The following MOV10 variants were observed in gnomAD, a reference collection of about 807,000 sequenced individuals.
The protein encoded by MOV10 is Mov10 RNA helicase, also known as RNA helicase MOV-10.
MOV10 carries 39 observed loss-of-function variants against 108.4 expected under a neutral mutation model. The observed-to-expected ratio is 0.36, with a 90% CI of 0.28 to 0.47. The LOEUF (loss-of-function observed/expected upper bound fraction) is 0.47. Among genes scored for constraint, MOV10 ranks in the 20% least tolerant of loss-of-function variants. The pLI is 1.00. For missense variants in MOV10, 952 were observed against 1,297.6 expected (o/e 0.73, Z 4.09); for synonymous variants, 490 against 523.1 (o/e 0.94, Z 0.86).
At chr1:112,691,826 A>C in intron 6 of MOV10, 27 bp downstream of exon 6, 1 of 1,598,760 alleles carries the variant, frequency 6.3e-7, no homozygotes, top group Non-Finnish European at 8.6e-7. Context: ...TGCACCCCGC[A>C]CTCTCCCGTC....
intron 2 of MOV10, chr1:112,686,817 A>G (rs920899345): frequency 2.4e-6 from 1 of 417,100 alleles, no homozygotes; most frequent in African/African-American, 2.0e-5. Context: ...TCTGTCAGTC[A>G]CCAAATTTCT....
intron 2 of MOV10, among the ~76,000 whole-genome samples, chr1:112,682,053 G>A (rs1002841824): frequency 1.3e-5 from 2 of 152,084 alleles, no homozygotes; most frequent in Non-Finnish European, 2.9e-5. Flanking sequence ...GCGCCACCAT[G>A]CCCAGCTAAT....
chr1:112,684,262 A>ATTTTT (rs71084487), intron 2 of MOV10, among the ~76,000 whole-genome samples: 18 of 93,804 alleles, frequency 1.9e-4, no homozygotes, highest in South Asian at 3.6e-4. Flanking sequence ...AGTCCCTGGG[A>ATTTTT]TTTTTTTTTT....
chr1:112,681,906 T>G (rs1672685492), intron 2 of MOV10, among the ~76,000 whole-genome samples: 1 of 151,890 alleles, frequency 6.6e-6, no homozygotes, highest in African/African-American at 2.4e-5. Context: ...ATGGGTTTTT[T>G]TTTTTTTTTA....
rs1239185116 is a variant in MOV10 at position 112,686,660 on chromosome 1, G to T, written c.138-2275G>T. ...CCTCTGGACCACAGGAATCTCAAAC[G>T]CATCATATCCAAATCCAAATGTCAT... is the stretch of plus-strand genomic sequence containing the variant. On this transcript the variant is annotated intron_variant, in intron 2 of 20. Transcript: ENST00000369645. Among the ~76,000 whole-genome samples, 6 of 152,080 alleles carry T rather than the reference G, an allele frequency of 3.9e-5. No homozygotes were observed. In the East Asian group the frequency reaches 1.2e-3, roughly 29 times the overall value.
chr1:112,699,636 C>T, intron 17 of MOV10, 49 bp from the exon 18 acceptor site: 1 of 1,611,722 alleles, frequency 6.2e-7, no homozygotes, highest in Non-Finnish European at 8.5e-7. Flanking sequence ...GGTAGGGCAC[C>T]CCTTTGACAC....
chr1:112,681,303 C>G (rs1446208143), intron 2 of MOV10, among the ~76,000 whole-genome samples: 1 of 151,924 alleles, frequency 6.6e-6, no homozygotes, highest in African/African-American at 2.4e-5. Context: ...ACCAGTCTGG[C>G]CAACATGGCG....
intron 10 of MOV10, 111 bp downstream of exon 10, chr1:112,695,007 GCC>G (rs1673937460): frequency 3.0e-6 from 4 of 1,330,562 alleles, no homozygotes; most frequent in Non-Finnish European, 4.1e-6. Context: ...CTTCTAAGCA[GCC>G]ATCAGAAAGA....
intron 11 of MOV10, among the ~76,000 whole-genome samples, 163 bp downstream of exon 11, chr1:112,695,737 G>C (rs180731605): frequency 6.6e-6 from 1 of 151,248 alleles, no homozygotes; most frequent in South Asian, 2.1e-4. Flanking sequence ...GTAAGTGAGG[G>C]GGGTGGATAA....
chr1:112,693,973 C>T (rs367808125), intron 7 of MOV10, 45 bp from the exon 8 acceptor site: 13 of 1,599,650 alleles, frequency 8.1e-6, no homozygotes, highest in South Asian at 3.3e-5. Flanking sequence ...GGCCCTCCAG[C>T]GTCCATCCCT....
In MOV10 at chr1:112,694,635, A is replaced by T. The variant is rs750379487; in HGVS notation, c.1472+6A>T. Reference sequence around the variant, plus strand: ...CCCTCAGATGTGAAACTCAAGTGAGACTGTGGGCAGGGAGCTTCTGGAGCC... The same window carrying T: ...CCCTCAGATGTGAAACTCAAGTGAGTCTGTGGGCAGGGAGCTTCTGGAGCC... On this transcript the variant is annotated splice_donor_region_variant and intron_variant, in intron 9 of 20. Transcript: ENST00000369645. The surrounding 1 kb of genome is among the most constrained non-coding windows in gnomAD (Gnocchi z 4.1). 1.0e-5 allele frequency: 16 copies of T among 1,595,932 alleles called. No homozygotes were observed. The highest frequency in any genetic ancestry group is 1.3e-5 in the Non-Finnish European group (15 of 1,169,488).
In MOV10 at chr1:112,674,916, C is replaced by T; in HGVS notation, c.4C>T (p.Pro2Ser). Residue 2 changes from proline to serine, a missense_variant, in exon 2 of 21, where the codon CCC (proline) becomes TCC (serine). Physicochemically the swap from Pro to Ser is moderately conservative, Grantham distance 74 (BLOSUM62 -1). Coordinates refer to ENST00000369645, the MANE Select transcript of MOV10 (RefSeq NM_001321324.2). M[P>S]SKFSCRQLRE... ...CTGGGCCGCAGCCGCCGCCGCGATG[C>T]CCAGTAAGTTCAGCTGCCGGCAGCT... 1 of 1,572,126 alleles carries T rather than the reference C, an allele frequency of 6.4e-7. No individual in the cohort carries two copies. Among genetic ancestry groups the T allele is most frequent in the Non-Finnish European group, 8.6e-7 (1 of 1,161,946 alleles).
chr1:112,681,515 A>G (rs1440806190), intron 2 of MOV10, among the ~76,000 whole-genome samples: 7 of 151,994 alleles, frequency 4.6e-5, no homozygotes, highest in Admixed American at 4.6e-4. Context: ...TATTCACATC[A>G]TCCACGTCCT....
Position 112,675,941 on chromosome 1 carries a change from A to G in MOV10, c.137+892A>G, listed in dbSNP as rs1170901936. ...AAAAGACCTTGGGTTTTAGCAGACC[A>G]GAGGGCCAGTATGGGTGAGATATGG... On this transcript the variant is annotated intron_variant, in intron 2 of 20. Coordinates refer to ENST00000369645, the MANE Select transcript of MOV10 (RefSeq NM_001321324.2). This position sits in a 1 kb window ranked among gnomAD's most constrained non-coding sequence, Gnocchi z 4.7. 6.6e-6 allele frequency among the ~76,000 whole-genome samples: 1 copy of G among 152,232 alleles called. No homozygotes were observed. Among genetic ancestry groups the G allele is most frequent in the East Asian group, 1.9e-4 (1 of 5,200 alleles).
chr1:112,693,944 C>G, intron 7 of MOV10, 74 bp from the exon 8 acceptor site: 1 of 1,448,956 alleles, frequency 6.9e-7, no homozygotes, highest in South Asian at 1.2e-5. Context: ...CCTTAAAGGT[C>G]TGGGGAACCT....
At chr1:112,681,312 C>A (rs879658398) in intron 2 of MOV10, among the ~76,000 whole-genome samples, 1 of 151,820 alleles carries the variant, frequency 6.6e-6, no homozygotes, top group Admixed American at 6.6e-5. Flanking sequence ...GCCAACATGG[C>A]GAAACCCCGT....
intron 5 of MOV10, among the ~76,000 whole-genome samples, chr1:112,690,920 G>A (rs1673522402): frequency 6.6e-6 from 1 of 152,164 alleles, no homozygotes; most frequent in Non-Finnish European, 1.5e-5. Flanking sequence ...CATATGGATG[G>A]AAGCGTAGGA....
Position 112,694,992 on chromosome 1 carries a change from T to C in MOV10, c.1620+96T>C. 7.2e-7 allele frequency: 1 copy of C among 1,397,402 alleles called. No homozygotes were observed. Among genetic ancestry groups the C allele is most frequent in the South Asian group, 1.4e-5 (1 of 71,644 alleles). The allele number at this position is 1,397,402 out of a possible 1,614,324, so 86.6% of individuals were successfully genotyped here. ...TAGTTCCTTCCCACTCCCGAAATGCTCCTGCTTCTAAGCAGCCATCAGAAA... is the reference window on the plus strand; with the variant it reads ...TAGTTCCTTCCCACTCCCGAAATGCCCCTGCTTCTAAGCAGCCATCAGAAA... On this transcript the variant is annotated intron_variant, in intron 10 of 20. Coordinates refer to ENST00000369645, the MANE Select transcript of MOV10 (RefSeq NM_001321324.2). This position sits in a 1 kb window ranked among gnomAD's most constrained non-coding sequence, Gnocchi z 4.1.
chr1:112,682,806 A>G (rs1294034586), intron 2 of MOV10, among the ~76,000 whole-genome samples: 3 of 152,054 alleles, frequency 2.0e-5, no homozygotes, highest in African/African-American at 7.2e-5. Flanking sequence ...TTTCTTTTTT[A>G]TCACTTAGTA....
Sources: allele counts gnomAD v4.1 joint callset (sites outside exome capture counted in the v4.1 genomes callset), GRCh38; gene constraint gnomAD v4.1.1; non-coding constraint Gnocchi (gnomAD v3.1); transcripts MANE v1.5; gene names NCBI Gene and HGNC (gene_info 2026-07-23, HGNC 2026-07-21).